LRPPRC: variants seen among roughly 807,000 people sequenced by gnomAD.
The protein encoded by LRPPRC is leucine rich pentatricopeptide repeat containing.
LRPPRC carries 120 observed loss-of-function variants against 180.3 expected under a neutral mutation model. The observed-to-expected ratio is 0.67, with a 90% confidence interval of 0.57 to 0.77. LRPPRC has a LOEUF of 0.77. Among genes scored for constraint, LRPPRC ranks in the 30% least tolerant of loss-of-function variants. The pLI, the probability that LRPPRC is intolerant of heterozygous loss-of-function variation, is 0.00. For synonymous variants in LRPPRC, 723 were observed against 600.0 expected, an observed-to-expected ratio of 1.21 and a Z score of -3.00; for missense variants, 2,012 against 1,657.2, an observed-to-expected ratio of 1.21 and a Z score of -3.72.
rs369533881 is a variant in LRPPRC, at chr2:43,973,884, G to C, written c.1172C>G (p.Thr391Arg). Residue 391 changes from threonine (T) to arginine (R), a missense_variant, in exon 10 of 38, where the codon ACA (threonine) becomes AGA (arginine). By Grantham distance (71) the Thr-to-Arg change is moderately conservative. Transcript: ENST00000260665. The stretch of plus-strand genomic sequence containing the variant: ...TTCCTTTAACTTCTTACAGTAGTCT[G>C]TTAGCTTCTCCACAGGCTGTGGGAA... Reference protein sequence around the residue: ...VTMNTPVEKLTDYCKKLKEVQ... With the variant: ...VTMNTPVEKLRDYCKKLKEVQ... The C allele has an allele frequency of 6.2e-7, 1 of 1,608,322 alleles. No homozygotes were observed. Among genetic ancestry groups the C allele is most frequent in the Admixed American group, 1.7e-5 (1 of 60,004 alleles).
intron 30 of LRPPRC, among the ~76,000 whole-genome samples, chr2:43,911,800 T>C (rs1671271086): frequency 1.3e-5 from 2 of 152,084 alleles, no homozygotes; most frequent in Admixed American, 1.3e-4. Flanking sequence ...CTTGTGGGAT[T>C]ACGGGCATGA....
At chr2:43,977,119 G>A in intron 4 of LRPPRC, 36 bp downstream of exon 4, 1 of 1,607,950 alleles carries the variant, frequency 6.2e-7, no homozygotes, top group South Asian at 1.1e-5. Context: ...AAAAAATGGT[G>A]GATGTGAAAA....
At chr2:43,942,817 T>C (rs972674644) in intron 23 of LRPPRC, among the ~76,000 whole-genome samples, 1 of 152,158 alleles carries the variant, frequency 6.6e-6, no homozygotes, top group African/African-American at 2.4e-5. Flanking sequence ...TTAATTGAAC[T>C]AAAGAAATCT....
At chr2:43,919,578 C>G (rs1442356475) in intron 27 of LRPPRC, among the ~76,000 whole-genome samples, 1 of 152,138 alleles carries the variant, frequency 6.6e-6, no homozygotes, top group African/African-American at 2.4e-5. Context: ...TTGAAAAGCC[C>G]ATTTCCTTTC....
At position 43,903,850 on chromosome 2, in the gene LRPPRC, G is replaced by A. The variant is rs528663582; in HGVS notation, c.3364+1842C>T. 2.0e-5 allele frequency: 3 copies of A among 152,290 alleles called. No individual in the cohort carries two copies. The East Asian group carries it at 5.8e-4, about 29-fold the overall frequency. 9.4% of individuals were successfully genotyped at this position (152,290 alleles called of 1,614,324 possible). A position where few individuals can be genotyped will look rare whatever the true frequency, so the allele number is the denominator to read the frequency against. ...GTCTACAGAAACAAAAGCTATTTAT[G>A]ACAATGAGCTTATTTATATGGCGAG... On this transcript the variant is annotated intron_variant, in intron 31 of 37. Coordinates refer to ENST00000260665, the MANE Select transcript of LRPPRC (RefSeq NM_133259.4).
intron 27 of LRPPRC, among the ~76,000 whole-genome samples, chr2:43,921,706 T>G (rs753709712): frequency 3.9e-5 from 6 of 152,180 alleles, no homozygotes; most frequent in Non-Finnish European, 8.8e-5. Flanking sequence ...TTAGCTAGTA[T>G]AGTATTACAT....
intron 11 of LRPPRC, among the ~76,000 whole-genome samples, chr2:43,968,991 T>C (rs781506753): frequency 6.6e-6 from 1 of 152,224 alleles, no homozygotes; most frequent in Non-Finnish European, 1.5e-5. Flanking sequence ...TATAAAATCA[T>C]TATATTGTAC....
At chr2:43,950,538 A>G in intron 15 of LRPPRC, 35 bp downstream of exon 15, 1 of 1,581,086 alleles carries the variant, frequency 6.3e-7, no homozygotes, top group Non-Finnish European at 8.7e-7. Flanking sequence ...TAACGTTAAA[A>G]GCACCTTATG....
At chr2:43,965,369 T>A (rs541744226) in intron 11 of LRPPRC, among the ~76,000 whole-genome samples, 1 of 152,266 alleles carries the variant, frequency 6.6e-6, no homozygotes, top group Admixed American at 6.5e-5. Context: ...TGGACCCTTA[T>A]CTTATACAAT....
rs1445668597 is a variant in LRPPRC, at chr2:43,974,469, A to T, written c.1009+145T>A. The T allele has an allele frequency of 1.3e-5, 10 of 798,020 alleles. No individual in the cohort carries two copies. In the East Asian group the frequency reaches 2.7e-4, roughly 21 times the overall value. 49.4% of individuals were successfully genotyped at this position (798,020 alleles called of 1,614,324 possible). On this transcript the variant is annotated intron_variant, in intron 8 of 37. Transcript: ENST00000260665. Reference sequence around the variant, plus strand: ...ATCATCCCCATGTGTTCATTAACTCATGTTTTTGGGCTTATTTAACTGACT... The same window carrying T: ...ATCATCCCCATGTGTTCATTAACTCTTGTTTTTGGGCTTATTTAACTGACT...
chr2:43,987,087 G>C (rs569208647), intron 1 of LRPPRC, among the ~76,000 whole-genome samples: 43 of 152,248 alleles, frequency 2.8e-4, no homozygotes, highest in African/African-American at 9.1e-4. Context: ...AACCAGCCTT[G>C]CACAGTTGGA....
Position 43,977,115 on chromosome 2 carries a change from T to C in LRPPRC, c.591+40A>G, listed in dbSNP as rs778274285. ...TTTTTTTCTGAGTAAAGAAAAAAAA[T>C]GGTGGATGTGAAAATATATTCACAA... On this transcript the variant is annotated intron_variant, in intron 4 of 37. Coordinates refer to ENST00000260665, the MANE Select transcript of LRPPRC (RefSeq NM_133259.4). The C allele has an allele frequency of 5.6e-6, 9 of 1,607,256 alleles. No homozygotes were observed. The East Asian group carries it at 6.7e-5, about 12-fold the overall frequency.
chr2:43,954,443 G>A (rs1400364819), intron 14 of LRPPRC, among the ~76,000 whole-genome samples: 1 of 152,172 alleles, frequency 6.6e-6, no homozygotes, highest in Non-Finnish European at 1.5e-5. Flanking sequence ...AAAAAGCATT[G>A]TAATGTCTAA....
At chr2:43,947,158 C>T (rs750544833) in intron 20 of LRPPRC, 99 bp downstream of exon 20, 17 of 628,972 alleles carry the variant, frequency 2.7e-5, no homozygotes, top group African/African-American at 3.7e-5. Flanking sequence ...TGACATATAA[C>T]GATCAATTGT....
chr2:43,927,552 G>A (rs1276679650), intron 25 of LRPPRC, among the ~76,000 whole-genome samples: 5 of 152,000 alleles, frequency 3.3e-5, no homozygotes, highest in African/African-American at 9.7e-5. Context: ...TGTTTCACAC[G>A]CATAATACTG....
At chr2:43,989,063 G>C (rs1384255738) in intron 1 of LRPPRC, among the ~76,000 whole-genome samples, 7 of 152,134 alleles carry the variant, frequency 4.6e-5, no homozygotes, top group Non-Finnish European at 1.0e-4. Flanking sequence ...CTAGAGACAG[G>C]AGTCTCACTA....
chr2:43,932,455 C>T (rs1323430641), intron 25 of LRPPRC, among the ~76,000 whole-genome samples: 1 of 151,992 alleles, frequency 6.6e-6, no homozygotes, highest in Non-Finnish European at 1.5e-5. Context: ...TATTCTTCAC[C>T]CTTTAAAAAA....
chr2:43,895,389 GCTT>G (rs1670642492), intron 35 of LRPPRC, among the ~76,000 whole-genome samples: 1 of 152,260 alleles, frequency 6.6e-6, no homozygotes, highest in African/African-American at 2.4e-5. Flanking sequence ...TCCTCCCAGG[GCTT>G]CTTCTATTTT....
rs144340094 is a variant in LRPPRC at position 43,950,279 on chromosome 2, G to T, written c.1677+294C>A. Among the ~76,000 whole-genome samples the T allele has an allele frequency of 0.014, 2,089 of 151,954 alleles. 30 individuals carry two copies. Among genetic ancestry groups the T allele is most frequent in the Non-Finnish European group, 0.018 (1,252 of 67,988 alleles). Reference sequence around the variant, plus strand: ...CAGGATGTGCAGGTTTGTTACATCGGTAAACGTGTGCCATGGTGGTCGGCT... The same window carrying T: ...CAGGATGTGCAGGTTTGTTACATCGTTAAACGTGTGCCATGGTGGTCGGCT... On this transcript the variant is annotated intron_variant, in intron 15 of 37. Transcript: ENST00000260665.
Sources: gnomAD v4.1 joint callset for allele counts (sites outside exome capture counted in the v4.1 genomes callset) on GRCh38, gnomAD v4.1.1 for gene constraint, MANE v1.5 for transcripts, NCBI Gene and HGNC (gene_info 2026-07-23, HGNC 2026-07-21) for gene names.